MTCL2: variants seen among roughly 807,000 people sequenced by gnomAD.
The protein encoded by MTCL2 is microtubule cross-linking factor 2.
the MTCL2 span, among the ~76,000 whole-genome samples, chr20:36,799,761 C>T: frequency 1.3e-5 from 2 of 152,098 alleles, no homozygotes; most frequent in African/African-American, 4.8e-5. Flanking sequence ...ATAACACTAA[C>T]ATCAGCAAAC....
chr20:36,796,997 G>T, the MTCL2 span: 5 of 1,569,862 alleles, frequency 3.2e-6, no homozygotes, highest in Non-Finnish European at 4.4e-6. Context: ...GGCCACCAGA[G>T]CACTAAGGGC....
chr20:36,857,451 C>T, the MTCL2 span, among the ~76,000 whole-genome samples: 1 of 152,056 alleles, frequency 6.6e-6, no homozygotes, highest in Non-Finnish European at 1.5e-5. Context: ...CCAACACCAG[C>T]GAGTCACTGG....
chr20:36,786,588 C>CG, the MTCL2 span: 1 of 1,550,914 alleles, frequency 6.4e-7, no homozygotes, highest in Non-Finnish European at 8.7e-7. Context: ...GCGGGACGAT[C>CG]GGGCGAAGCA....
At chr20:36,792,865 C>T in the MTCL2 span, among the ~76,000 whole-genome samples, 421 of 138,830 alleles carry the variant, frequency 3.0e-3, 3 homozygotes, top group African/African-American at 0.012. Context: ...GATAGACAGA[C>T]AGACAGACAG....
At chr20:36,810,155 A>G in the MTCL2 span, 5 of 1,537,826 alleles carry the variant, frequency 3.3e-6, no homozygotes, top group East Asian at 2.4e-5. Flanking sequence ...AGAGAGAGGA[A>G]GAAGTGGATA....
chr20:36,801,161 C>T, the MTCL2 span, among the ~76,000 whole-genome samples: 1 of 152,172 alleles, frequency 6.6e-6, no homozygotes, highest in Non-Finnish European at 1.5e-5. Flanking sequence ...CCACCTTAGC[C>T]TCTCATGTAG....
At chr20:36,786,504 G>A in the MTCL2 span, 4 of 1,546,956 alleles carry the variant, frequency 2.6e-6, no homozygotes, top group South Asian at 1.2e-5. Flanking sequence ...GGGGGGGAGT[G>A]CCCTCTCCTC....
chr20:36,805,756 T>C, the MTCL2 span: 1 of 1,102,800 alleles, frequency 9.1e-7, no homozygotes, highest in African/African-American at 1.6e-5. Flanking sequence ...AACTTCAATG[T>C]CCAGGAATGG....
the MTCL2 span, chr20:36,815,261 G>C: frequency 6.2e-7 from 1 of 1,614,010 alleles, no homozygotes; most frequent in African/African-American, 1.3e-5. This position sits in a 1 kb window ranked among gnomAD's most constrained non-coding sequence, Gnocchi z 5.3. Flanking sequence ...CCTTCCGCGT[G>C]AAGGCATTCA....
the MTCL2 span, among the ~76,000 whole-genome samples, chr20:36,831,818 T>A: frequency 6.6e-6 from 1 of 152,230 alleles, no homozygotes; most frequent in Non-Finnish European, 1.5e-5. Flanking sequence ...GTTCCAGCAT[T>A]TACTGGCTAT....
the MTCL2 span, chr20:36,786,319 T>C: frequency 1.5e-6 from 2 of 1,322,028 alleles, no homozygotes; most frequent in Non-Finnish European, 1.9e-6. Context: ...AGACCCGGCT[T>C]TACCTTGATG....
chr20:36,855,630 C>T, the MTCL2 span, among the ~76,000 whole-genome samples: 10 of 152,122 alleles, frequency 6.6e-5, no homozygotes, highest in African/African-American at 1.2e-4. Context: ...AACTTAGCTG[C>T]GCCCCTTTCC....
At chr20:36,798,592 T>C in the MTCL2 span, among the ~76,000 whole-genome samples, 2 of 152,160 alleles carry the variant, frequency 1.3e-5, no homozygotes, top group African/African-American at 4.8e-5. Context: ...TCACTGCCAA[T>C]GACAGACAAA....
chr20:36,816,142 C>T, the MTCL2 span: 1 of 1,613,758 alleles, frequency 6.2e-7, no homozygotes, highest in Non-Finnish European at 8.5e-7. Context: ...TCGGCCAGCT[C>T]CTCGGCTGAC....
the MTCL2 span, chr20:36,778,110 C>G: frequency 2.8e-6 from 1 of 360,964 alleles, no homozygotes; most frequent in East Asian, 4.7e-5. Context: ...GAGAGGTGAG[C>G]AGGAGCAGGG....
At chr20:36,848,059 G>T in the MTCL2 span, among the ~76,000 whole-genome samples, 36 of 152,202 alleles carry the variant, frequency 2.4e-4, no homozygotes, top group Non-Finnish European at 4.4e-5. Context: ...TGAGGCAGGA[G>T]GTTCACTTGA....
chr20:36,780,842 T>C, the MTCL2 span: 1 of 152,222 alleles, frequency 6.6e-6, no homozygotes, highest in Admixed American at 6.5e-5. Flanking sequence ...GGTTCACCCG[T>C]TGACTCACCA....
the MTCL2 span, chr20:36,839,342 G>C: frequency 3.7e-6 from 6 of 1,612,774 alleles, no homozygotes; most frequent in Non-Finnish European, 4.2e-6. The surrounding 1 kb of genome is among the most constrained non-coding windows in gnomAD (Gnocchi z 5.1). Context: ...TTGCTGGCCT[G>C]GTCCAGCTGC....
chr20:36,788,120 G>A, the MTCL2 span, among the ~76,000 whole-genome samples: 36 of 144,400 alleles, frequency 2.5e-4, no homozygotes, highest in African/African-American at 8.5e-4. Context: ...AGAACGGCTT[G>A]AACTCAGGAG....
Sources: gnomAD v4.1 joint callset for allele counts (sites outside exome capture counted in the v4.1 genomes callset) on GRCh38, gnomAD v4.1.1 for gene constraint, Gnocchi (gnomAD v3.1) non-coding constraint, MANE v1.5 for transcripts, NCBI Gene and HGNC (gene_info 2026-07-23, HGNC 2026-07-21) for gene names.